CASQ2: variants seen among roughly 807,000 people sequenced by gnomAD.
CASQ2 encodes calsequestrin-2.
CASQ2 carries 49 observed loss-of-function variants against 46.5 expected under a neutral mutation model. The observed-to-expected ratio is 1.05, with a 90% CI of 0.84 to 1.34. CASQ2 has a LOEUF of 1.34. Among genes scored for constraint, CASQ2 ranks in the 40% most tolerant of loss-of-function variants. CASQ2 has a pLI of 0.00. For synonymous variants in CASQ2, 174 were observed against 168.5 expected (o/e 1.03, Z -0.25); for missense variants, 486 against 481.3 (o/e 1.01, Z -0.09).
chr1:115,735,232 A>G (rs1440921584), intron 4 of CASQ2, among the ~76,000 whole-genome samples: 1 of 152,244 alleles, frequency 6.6e-6, no homozygotes, highest in Non-Finnish European at 1.5e-5. Flanking sequence ...GACTCCAATA[A>G]CATTCAAACC....
At chr1:115,704,594 T>C (rs754270986) in intron 9 of CASQ2, among the ~76,000 whole-genome samples, 1 of 152,224 alleles carries the variant, frequency 6.6e-6, no homozygotes, top group Admixed American at 6.5e-5. Context: ...ACATGTAGTG[T>C]ACAAATGCTG....
At chr1:115,743,190 TATTTTTGTTTATTTA>T (rs1429879995) in intron 2 of CASQ2, among the ~76,000 whole-genome samples, 2 of 147,468 alleles carry the variant, frequency 1.4e-5, no homozygotes, top group Non-Finnish European at 3.0e-5. Context: ...AAGCATTCTT[TATTTTTGTTTATTTA>T]TTTATTTATT....
chr1:115,764,397 A>G (rs1169492179), intron 1 of CASQ2, among the ~76,000 whole-genome samples: 2 of 152,224 alleles, frequency 1.3e-5, no homozygotes, highest in Non-Finnish European at 2.9e-5. Flanking sequence ...ATATTTATGT[A>G]TAGAAAAAAA....
intron 5 of CASQ2, among the ~76,000 whole-genome samples, chr1:115,729,984 G>A (rs879468961): frequency 1.7e-4 from 26 of 152,318 alleles, no homozygotes; most frequent in Admixed American, 1.7e-3. Flanking sequence ...GCTGTGAGGT[G>A]CAGCAGAGTG....
At chr1:115,734,178 G>A (rs914903835) in intron 4 of CASQ2, among the ~76,000 whole-genome samples, 1 of 152,220 alleles carries the variant, frequency 6.6e-6, no homozygotes, top group East Asian at 1.9e-4. Context: ...AGCTGGGGTC[G>A]AGAATTGGGT....
At chr1:115,702,620 C>T (rs6664262) in intron 10 of CASQ2, among the ~76,000 whole-genome samples, 88,426 of 152,100 alleles carry the variant, frequency 0.58, 26,283 homozygotes, top group African/African-American at 0.7. Flanking sequence ...TTTTTGTTTG[C>T]TGTTTGACTT....
chr1:115,767,479 C>A (rs1223967911), intron 1 of CASQ2, among the ~76,000 whole-genome samples: 1 of 152,142 alleles, frequency 6.6e-6, no homozygotes, highest in East Asian at 1.9e-4. Context: ...ATCCCTTTCA[C>A]AGGTTTGCGC....
rs149726842 is a variant in CASQ2, at chr1:115,735,033, C to T, written c.533-2059G>A. ...TCTATACACAGTTAAACTCTGAAGT[C>T]AGATTTTGAATGTCCAAGTTCATGT... is the stretch of plus-strand genomic sequence containing the variant. On this transcript the variant is annotated intron_variant, in intron 4 of 10. Transcript: ENST00000261448. Among the ~76,000 whole-genome samples, 170 of 152,300 alleles carry T rather than the reference C, an allele frequency of 1.1e-3. 1 individual carries two copies. The East Asian group carries it at 0.029, about 26-fold the overall frequency.
chr1:115,716,959 T>C (rs1654719961), intron 8 of CASQ2, among the ~76,000 whole-genome samples: 1 of 152,144 alleles, frequency 6.6e-6, no homozygotes, highest in African/African-American at 2.4e-5. Context: ...TGGTGGGAGA[T>C]GATTGGATCG....
chr1:115,726,916 G>T (rs1647612335), intron 6 of CASQ2, 76 bp downstream of exon 6: 1 of 1,266,682 alleles, frequency 7.9e-7, no homozygotes, highest in South Asian at 1.3e-5. Flanking sequence ...TGGCAGGTCT[G>T]AAATGTTAGC....
chr1:115,745,521 A>G (rs1042670590), intron 1 of CASQ2, among the ~76,000 whole-genome samples: 1 of 152,104 alleles, frequency 6.6e-6, no homozygotes, highest in African/African-American at 2.4e-5. Context: ...AGTGTCCTAG[A>G]TGGACAGATA....
At chr1:115,705,088 G>T (rs1195298478) in intron 9 of CASQ2, 104 bp downstream of exon 9, 2 of 815,754 alleles carry the variant, frequency 2.5e-6, no homozygotes, top group Non-Finnish European at 4.4e-6. Flanking sequence ...GACCGCCACT[G>T]GGTTTCTTCA....
chr1:115,739,254 C>T (rs1648083392), intron 3 of CASQ2, among the ~76,000 whole-genome samples: 1 of 151,080 alleles, frequency 6.6e-6, no homozygotes. Flanking sequence ...TGGGACTACG[C>T]CCACCACCAT....
chr1:115,701,215 T>C lies in CASQ2; in HGVS notation c.*26A>G, dbSNP rs564451231. On this transcript the variant is annotated 3_prime_UTR_variant, in exon 11 of 11. Transcript: ENST00000261448. ...ATGGTAGTGGGTGCTGTGATTTTGTTTTCATCAGAATTGTTTGGAGTTGGG... is the reference window on the plus strand; with the variant it reads ...ATGGTAGTGGGTGCTGTGATTTTGTCTTCATCAGAATTGTTTGGAGTTGGG... The C allele has an allele frequency of 1.2e-6, 2 of 1,613,694 alleles. No individual in the cohort carries two copies. The highest frequency in any genetic ancestry group is 1.3e-5 in the African/African-American group (1 of 75,040).
rs1557794917 is a variant in CASQ2 at position 115,732,904 on chromosome 1, T to C, written c.603A>G (p.Lys201=). The change falls in exon 5 of 11, where the codon AAA becomes AAG. Residue 201 remains lysine, a synonymous_variant. Transcript: ENST00000261448. ...PYIKFFATFD[K]GVAKKLSLKM... Reference sequence around the variant, plus strand: ...TTGGGGTTTCATAGGTACTTACCCCTTTGTCAAAGGTGGCAAAGAATTTGA... The same window carrying C: ...TTGGGGTTTCATAGGTACTTACCCCCTTGTCAAAGGTGGCAAAGAATTTGA... 5 of 1,612,716 alleles carry C rather than the reference T, an allele frequency of 3.1e-6. No individual in the cohort carries two copies. Among genetic ancestry groups the C allele is most frequent in the African/African-American group, 1.3e-5 (1 of 75,010 alleles).
chr1:115,708,910 G>C (rs1398461223), intron 8 of CASQ2, among the ~76,000 whole-genome samples: 2 of 152,208 alleles, frequency 1.3e-5, no homozygotes, highest in South Asian at 2.1e-4. Context: ...TGCCGATTCT[G>C]TGACCAAAGG....
At chr1:115,709,176 G>C (rs1366615547) in intron 8 of CASQ2, among the ~76,000 whole-genome samples, 1 of 128,512 alleles carries the variant, frequency 7.8e-6, no homozygotes, top group Non-Finnish European at 1.6e-5. Context: ...TGCTAAAATT[G>C]TAAGTTACAA....
chr1:115,744,757 A>T, intron 2 of CASQ2, 71 bp downstream of exon 2: 1 of 960,934 alleles, frequency 1.0e-6, no homozygotes, highest in Non-Finnish European at 1.7e-6. Flanking sequence ...GAATAATTGC[A>T]ACTGTACTTT....
chr1:115,737,341 G>C (rs551958835), intron 4 of CASQ2, among the ~76,000 whole-genome samples: 1 of 152,144 alleles, frequency 6.6e-6, no homozygotes, highest in Admixed American at 6.5e-5. Flanking sequence ...ATGCTAGTGG[G>C]AAGACTGGTT....
Sources: allele counts gnomAD v4.1 joint callset (sites outside exome capture counted in the v4.1 genomes callset), GRCh38; gene constraint gnomAD v4.1.1; transcripts MANE v1.5; gene names NCBI Gene and HGNC (gene_info 2026-07-23, HGNC 2026-07-21).